RBFOX1: variants seen among roughly 807,000 people sequenced by gnomAD.
RBFOX1 encodes the protein RNA binding protein fox-1 homolog 1.
In RBFOX1, 8 loss-of-function variants were observed where a neutral mutation model predicts 57.7. That is an observed-to-expected ratio of 0.14 (90% CI 0.08 to 0.25). The LOEUF is 0.25. RBFOX1 is among the 10% of genes least tolerant of loss of function. RBFOX1 has a pLI of 1.00. For synonymous variants in RBFOX1, 326 were observed against 222.4 expected (o/e 1.47, Z -4.15); for missense variants, 611 against 548.5 (o/e 1.11, Z -1.14).
chr16:5,347,635 C>T, intron 1 of RBFOX1, among the ~76,000 whole-genome samples: 1 of 147,990 alleles, frequency 6.8e-6, no homozygotes, highest in Non-Finnish European at 1.5e-5. Context: ...AACACATCCA[C>T]CCACCCATCT....
intron 3 of RBFOX1, among the ~76,000 whole-genome samples, chr16:6,958,725 C>T (rs768573621): frequency 1.3e-5 from 2 of 152,100 alleles, no homozygotes; most frequent in African/African-American, 4.8e-5. Flanking sequence ...TAGTTTTATG[C>T]CGCTTCAGAA....
rs1321996574 is a variant in RBFOX1, at chr16:6,351,364, A to ATTT, written c.-64+34308_-64+34309insTTT. Among the ~76,000 whole-genome samples, 49 of 96,662 alleles carry ATTT rather than the reference A, an allele frequency of 5.1e-4. 1 individual carries two copies. Among genetic ancestry groups the ATTT allele is most frequent in the African/African-American group, 2.4e-3 (45 of 18,598 alleles). 63.4% of individuals were successfully genotyped at this position (96,662 alleles called of 152,430 possible). Reference sequence around the variant, plus strand: ...TGTGTGTGTGTGTGTATATATATATATATATATATTTTTTTTTTTTTTTCT... The same window carrying ATTT: ...TGTGTGTGTGTGTGTATATATATATATTTTATATATATTTTTTTTTTTTTTTCT... On this transcript the variant is annotated intron_variant, in intron 2 of 15. Coordinates refer to ENST00000550418, the MANE Select transcript of RBFOX1 (RefSeq NM_018723.4).
chr16:7,210,146 G>A (rs2090835214), intron 4 of RBFOX1, among the ~76,000 whole-genome samples: 1 of 152,168 alleles, frequency 6.6e-6, no homozygotes. Context: ...CAATAAGGGT[G>A]ATAATGATGA....
chr16:7,505,136 T>G (rs1783566900), intron 4 of RBFOX1, among the ~76,000 whole-genome samples: 1 of 151,770 alleles, frequency 6.6e-6, no homozygotes, highest in Admixed American at 6.6e-5. Context: ...GGGATTCATT[T>G]TTTATTCAAC....
At chr16:7,463,085 A>G (rs977457518) in intron 4 of RBFOX1, among the ~76,000 whole-genome samples, 3 of 152,206 alleles carry the variant, frequency 2.0e-5, no homozygotes, top group South Asian at 4.1e-4. Context: ...GATGCTGGCA[A>G]GTCCAAGATC....
intron 4 of RBFOX1, among the ~76,000 whole-genome samples, chr16:7,335,550 C>G (rs1032906808): frequency 2.1e-5 from 3 of 144,602 alleles, no homozygotes; most frequent in Non-Finnish European, 1.5e-5. Flanking sequence ...AAAATTCAGA[C>G]CAGCATCGCC....
chr16:6,401,406 C>T (rs1596631692), intron 2 of RBFOX1, among the ~76,000 whole-genome samples: 1 of 152,178 alleles, frequency 6.6e-6, no homozygotes, highest in Admixed American at 6.6e-5. Context: ...AAGCATAACT[C>T]ACACCTGTGA....
chr16:6,898,336 G>C (rs186025699), intron 3 of RBFOX1, among the ~76,000 whole-genome samples: 30 of 152,250 alleles, frequency 2.0e-4, no homozygotes, highest in Admixed American at 1.6e-3. Context: ...TGGATGGAGG[G>C]GGGTGAGGAG....
chr16:5,678,900 C>G (rs190885152), intron 3 of RBFOX1, among the ~76,000 whole-genome samples: 3 of 152,288 alleles, frequency 2.0e-5, no homozygotes, highest in Admixed American at 1.3e-4. Context: ...TGGACAGATT[C>G]ACGGAAGAAG....
chr16:5,892,870 C>T (rs557020246), intron 4 of RBFOX1, among the ~76,000 whole-genome samples: 1 of 152,276 alleles, frequency 6.6e-6, no homozygotes, highest in Middle Eastern at 3.4e-3. Flanking sequence ...CCCCAGGTGC[C>T]ATGAGAGGGG....
intron 2 of RBFOX1, among the ~76,000 whole-genome samples, chr16:6,386,746 G>A (rs1264276663): frequency 6.6e-6 from 1 of 152,178 alleles, no homozygotes; most frequent in African/African-American, 2.4e-5. Context: ...AAATGGAATA[G>A]TTTAGGTAGG....
chr16:6,875,177 ATCT>A (rs1902475744), intron 3 of RBFOX1, among the ~76,000 whole-genome samples: 1 of 152,178 alleles, frequency 6.6e-6, no homozygotes, highest in Admixed American at 6.5e-5. Context: ...GCACATAATC[ATCT>A]TCTTTGTATT....
chr16:6,162,043 T>C (rs1174697000), intron 1 of RBFOX1, among the ~76,000 whole-genome samples: 1 of 152,206 alleles, frequency 6.6e-6, no homozygotes, highest in Non-Finnish European at 1.5e-5. Context: ...AAAAGCATTA[T>C]AGGAAAGAAA....
At chr16:6,570,992 C>G (rs1380110939) in intron 2 of RBFOX1, among the ~76,000 whole-genome samples, 1 of 152,026 alleles carries the variant, frequency 6.6e-6, no homozygotes, top group Non-Finnish European at 1.5e-5. Context: ...TTATTGTTTA[C>G]TAAATATAGA....
chr16:5,343,790 CA>C (rs1278496618), intron 1 of RBFOX1, among the ~76,000 whole-genome samples: 1 of 152,120 alleles, frequency 6.6e-6, no homozygotes, highest in Non-Finnish European at 1.5e-5. Flanking sequence ...TTGAATAAGG[CA>C]AAAGGGTTAT....
intron 3 of RBFOX1, among the ~76,000 whole-genome samples, chr16:5,610,114 G>A (rs34222882): frequency 0.13 from 19,466 of 152,046 alleles, 1,636 homozygotes; most frequent in East Asian, 0.37. Context: ...TCCTGCCACT[G>A]GGAGGGCAGG....
chr16:5,714,154 T>C (rs1258273186), intron 3 of RBFOX1, among the ~76,000 whole-genome samples: 1 of 152,226 alleles, frequency 6.6e-6, no homozygotes, highest in Non-Finnish European at 1.5e-5. Flanking sequence ...ATACTTGGGA[T>C]ACCTTGCAGT....
intron 1 of RBFOX1, among the ~76,000 whole-genome samples, chr16:6,118,478 G>C (rs191385313): frequency 2.6e-5 from 4 of 152,124 alleles, no homozygotes; most frequent in Non-Finnish European, 5.9e-5. Context: ...GTCATCACAC[G>C]GTGTAAGGGT....
At chr16:5,704,798 G>T (rs1332972623) in intron 3 of RBFOX1, among the ~76,000 whole-genome samples, 8 of 152,292 alleles carry the variant, frequency 5.3e-5, no homozygotes, top group African/African-American at 1.9e-4. Context: ...ATAATGACAG[G>T]GTGAGTTGGC....
Sources: allele counts gnomAD v4.1 joint callset (sites outside exome capture counted in the v4.1 genomes callset), GRCh38; gene constraint gnomAD v4.1.1; transcripts MANE v1.5; gene names NCBI Gene and HGNC (gene_info 2026-07-23, HGNC 2026-07-21).